Variants in PRKCI observed in about 807,000 individuals in gnomAD.
The protein encoded by PRKCI is protein kinase C iota type.
A neutral mutation model predicts 84.0 loss-of-function variants in PRKCI; 43 were observed. That is an observed-to-expected ratio of 0.51 (90% confidence interval 0.40 to 0.66). The LOEUF is 0.66. Among genes scored for constraint, PRKCI ranks in the 30% least tolerant of loss-of-function variants. The probability of loss-of-function intolerance (pLI) is 0.00; values close to 1 mark genes in which losing one functional copy is unlikely to be tolerated. For missense variants in PRKCI, 459 were observed against 745.6 expected (o/e 0.62, Z 4.48); for synonymous variants, 216 against 234.4 (o/e 0.92, Z 0.72).
intron 2 of PRKCI, among the ~76,000 whole-genome samples, chr3:170,252,501 ACT>A (rs1353559755): frequency 6.6e-6 from 1 of 151,280 alleles, no homozygotes; most frequent in South Asian, 2.1e-4. Context: ...TTCCAATTAT[ACT>A]CTTTTAGTTA....
chr3:170,301,630 A>T (rs961426432), intron 17 of PRKCI, among the ~76,000 whole-genome samples: 3 of 151,910 alleles, frequency 2.0e-5, no homozygotes, highest in African/African-American at 7.3e-5. Context: ...GCAGCTGCCA[A>T]GTCTTTGTCT....
At chr3:170,264,614 A>G (rs1733813023) in intron 4 of PRKCI, among the ~76,000 whole-genome samples, 2 of 152,080 alleles carry the variant, frequency 1.3e-5, no homozygotes, top group African/African-American at 2.4e-5. Flanking sequence ...AATATTGCAG[A>G]CTTCCTACAG....
intron 12 of PRKCI, among the ~76,000 whole-genome samples, chr3:170,285,883 TAAGGTGCGCCCC>T (rs1734371637): frequency 1.3e-5 from 2 of 151,760 alleles, no homozygotes; most frequent in Non-Finnish European, 2.9e-5. Flanking sequence ...TAGCTGAGAT[TAAGGTGCGCCCC>T]ACCATCCCTG....
chr3:170,235,583 T>TTTTTTTTA (rs1283383125), intron 2 of PRKCI, among the ~76,000 whole-genome samples: 2 of 148,480 alleles, frequency 1.3e-5, no homozygotes, highest in Admixed American at 6.9e-5. Context: ...TTTTTTTTTT[T>TTTTTTTTA]GAGACGGAGT....
chr3:170,276,750 C>T (rs1348042680), intron 8 of PRKCI, among the ~76,000 whole-genome samples: 2 of 152,102 alleles, frequency 1.3e-5, no homozygotes, highest in Non-Finnish European at 2.9e-5. Flanking sequence ...GGCTAAGTCT[C>T]CGAAAACAAT....
intron 3 of PRKCI, 148 bp from the exon 4 acceptor site, chr3:170,263,231 A>G: frequency 1.7e-6 from 1 of 590,104 alleles, no homozygotes; most frequent in Non-Finnish European, 3.0e-6. Context: ...GGCAAATAAT[A>G]TTGATCACAT....
rs374803458 is a variant in PRKCI at position 170,275,596 on chromosome 3, C to T, written c.705+309C>T. Reference sequence around the variant, plus strand: ...GTTTAAAATATATAGTAGACCCTTCCGTTTTGTGCCTGAATTGCTTATTTA... The same window carrying T: ...GTTTAAAATATATAGTAGACCCTTCTGTTTTGTGCCTGAATTGCTTATTTA... On this transcript the variant is annotated intron_variant, in intron 8 of 17. Coordinates refer to ENST00000295797, the MANE Select transcript of PRKCI (RefSeq NM_002740.6). 5.9e-5 allele frequency among the ~76,000 whole-genome samples: 9 copies of T among 152,010 alleles called. No homozygotes were observed. The South Asian group carries it at 6.2e-4, about 11-fold the overall frequency.
At chr3:170,246,782 C>T (rs373185563) in intron 2 of PRKCI, among the ~76,000 whole-genome samples, 2 of 152,180 alleles carry the variant, frequency 1.3e-5, no homozygotes, top group Non-Finnish European at 2.9e-5. Flanking sequence ...GAACTTTTCA[C>T]CATCCCAATC....
rs9816867 is a variant in PRKCI at position 170,281,691 on chromosome 3, A to G, written c.981-191A>G. The G allele has an allele frequency of 0.015, 9,579 of 644,546 alleles. 710 individuals carry two copies. In the African/African-American group the frequency reaches 0.16, roughly 11 times the overall value. The allele number at this position is 644,546 out of a possible 1,614,324, so 39.9% of individuals were successfully genotyped here. A position where few individuals can be genotyped will look rare whatever the true frequency, so the allele number is the denominator to read the frequency against. On this transcript the variant is annotated intron_variant, in intron 10 of 17. Transcript: ENST00000295797. Reference sequence around the variant, plus strand: ...TTAGAACAGAAGTAGTAGGTTACAAAATTATTATCATGCTGGTTTACTTTC... The same window carrying G: ...TTAGAACAGAAGTAGTAGGTTACAAGATTATTATCATGCTGGTTTACTTTC...
At chr3:170,224,466 T>G (rs1466828140) in intron 1 of PRKCI, among the ~76,000 whole-genome samples, 1 of 152,116 alleles carries the variant, frequency 6.6e-6, no homozygotes, top group African/African-American at 2.4e-5. Context: ...TTTTTTTTTT[T>G]TAAACCCTTA....
intron 4 of PRKCI, among the ~76,000 whole-genome samples, chr3:170,264,656 T>A (rs1184787478): frequency 1.3e-5 from 2 of 152,084 alleles, no homozygotes; most frequent in Admixed American, 1.3e-4. Flanking sequence ...ATTTATTAGA[T>A]CTCCAATTCC....
intron 12 of PRKCI, among the ~76,000 whole-genome samples, chr3:170,285,114 C>T (rs1449068501): frequency 1.4e-5 from 2 of 142,318 alleles, no homozygotes; most frequent in East Asian, 4.1e-4. Context: ...GGGTCTTGCT[C>T]TGTCCCCCAG....
At chr3:170,248,828 G>A (rs1017356139) in intron 2 of PRKCI, among the ~76,000 whole-genome samples, 1 of 151,282 alleles carries the variant, frequency 6.6e-6, no homozygotes, top group East Asian at 1.9e-4. Flanking sequence ...GAGATGGTCA[G>A]AATTGGCTTT....
chr3:170,302,933 C>T, intron 17 of PRKCI, 107 bp from the exon 18 acceptor site: 2 of 665,076 alleles, frequency 3.0e-6, no homozygotes, highest in South Asian at 3.0e-5. Flanking sequence ...TATAGATTTC[C>T]TTTCAGTACA....
At chr3:170,296,385 C>T (rs954668935) in intron 15 of PRKCI, among the ~76,000 whole-genome samples, 4 of 152,100 alleles carry the variant, frequency 2.6e-5, no homozygotes, top group Admixed American at 6.6e-5. Flanking sequence ...GCACGTGGGC[C>T]GCAGTGCTCC....
chr3:170,258,468 G>A (rs190468131), intron 2 of PRKCI, among the ~76,000 whole-genome samples: 1 of 151,804 alleles, frequency 6.6e-6, no homozygotes, highest in Non-Finnish European at 1.5e-5. Flanking sequence ...ACTGTGCCTG[G>A]CTAATTTTTG....
At chr3:170,265,053 G>A (rs1237243769) in intron 4 of PRKCI, among the ~76,000 whole-genome samples, 1 of 152,120 alleles carries the variant, frequency 6.6e-6, no homozygotes, top group Non-Finnish European at 1.5e-5. Flanking sequence ...GCTGGGTGTG[G>A]TGGTGCATAC....
Position 170,273,415 on chromosome 3 carries a change from A to C in PRKCI, c.646+75A>C, listed in dbSNP as rs2108855118. ...AAAGACTTACTTAGGTGACTCTCTTACCCAAGTTTAAAAACATTTACTTCT... is the reference window on the plus strand; with the variant it reads ...AAAGACTTACTTAGGTGACTCTCTTCCCCAAGTTTAAAAACATTTACTTCT... On this transcript the variant is annotated intron_variant, in intron 7 of 17. Coordinates refer to ENST00000295797, the MANE Select transcript of PRKCI (RefSeq NM_002740.6). 1.2e-5 allele frequency: 17 copies of C among 1,399,058 alleles called. No individual in the cohort carries two copies. In the South Asian group the frequency reaches 2.1e-4, roughly 17 times the overall value. The allele number at this position is 1,399,058 out of a possible 1,614,324, so 86.7% of individuals were successfully genotyped here.
intron 2 of PRKCI, among the ~76,000 whole-genome samples, chr3:170,239,904 T>C (rs1329400499): frequency 6.6e-6 from 1 of 152,144 alleles, no homozygotes; most frequent in Non-Finnish European, 1.5e-5. Flanking sequence ...TCCCAGCATT[T>C]TGGGAGGCCA....
Sources: allele counts gnomAD v4.1 joint callset (sites outside exome capture counted in the v4.1 genomes callset), GRCh38; gene constraint gnomAD v4.1.1; transcripts MANE v1.5; gene names NCBI Gene and HGNC (gene_info 2026-07-23, HGNC 2026-07-21).